Variants in LSAMP observed in about 807,000 individuals in gnomAD.
LSAMP encodes the protein limbic system associated membrane protein.
In LSAMP, 7 loss-of-function variants were observed where a neutral mutation model predicts 38.6. The ratio of observed to expected loss-of-function variants is 0.18; its 90% confidence interval spans 0.10 to 0.34. The LOEUF is 0.34. LSAMP is among the 10% of genes least tolerant of loss of function. LSAMP has a pLI of 1.00. For synonymous variants in LSAMP, 154 were observed against 166.8 expected (o/e 0.92, Z 0.59); for missense variants, 313 against 420.0 (o/e 0.75, Z 2.23).
chr3:116,373,588 T>C (rs2040885197), intron 1 of LSAMP, among the ~76,000 whole-genome samples: 1 of 151,832 alleles, frequency 6.6e-6, no homozygotes, highest in South Asian at 2.1e-4. Flanking sequence ...TTTTGTTATA[T>C]GCATATTATC....
intron 1 of LSAMP, among the ~76,000 whole-genome samples, chr3:116,146,557 T>C (rs1468944342): frequency 8.5e-5 from 13 of 152,064 alleles, no homozygotes; most frequent in African/African-American, 2.9e-4. Flanking sequence ...AAAAAAAATC[T>C]ACTTTTGCTA....
intron 1 of LSAMP, among the ~76,000 whole-genome samples, chr3:116,279,166 A>G (rs890881112): frequency 2.0e-5 from 3 of 152,202 alleles, no homozygotes; most frequent in Non-Finnish European, 4.4e-5. Flanking sequence ...CCTGGGAAAG[A>G]GAGGGACAGA....
intron 1 of LSAMP, among the ~76,000 whole-genome samples, chr3:116,404,615 T>A (rs373187617): frequency 2.2e-4 from 34 of 152,150 alleles, no homozygotes; most frequent in African/African-American, 8.0e-4. Flanking sequence ...ATTACAATGA[T>A]AATGATGACA....
chr3:115,949,549 C>T (rs1285013264), intron 3 of LSAMP, among the ~76,000 whole-genome samples: 5 of 151,666 alleles, frequency 3.3e-5, no homozygotes, highest in Admixed American at 3.3e-4. Context: ...AAACTCTGAA[C>T]AGACAAATAA....
intron 1 of LSAMP, among the ~76,000 whole-genome samples, chr3:116,108,178 C>G (rs537992356): frequency 3.0e-4 from 46 of 152,004 alleles, no homozygotes; most frequent in African/African-American, 1.0e-3. Flanking sequence ...TGGGGGAATA[C>G]AAGAGGAGGA....
At chr3:115,819,939 T>C (rs1265475214) in intron 6 of LSAMP, among the ~76,000 whole-genome samples, 1 of 152,088 alleles carries the variant, frequency 6.6e-6, no homozygotes, top group Non-Finnish European at 1.5e-5. Context: ...TGCCATCTTG[T>C]GGTAATACTA....
intron 1 of LSAMP, among the ~76,000 whole-genome samples, chr3:116,331,308 G>C (rs2047849525): frequency 6.6e-6 from 1 of 152,122 alleles, no homozygotes; most frequent in East Asian, 1.9e-4. Context: ...TCCAGATAGG[G>C]AAGAGAAAGG....
At chr3:115,866,677 A>C (rs1225777130) in intron 3 of LSAMP, among the ~76,000 whole-genome samples, 1 of 151,898 alleles carries the variant, frequency 6.6e-6, no homozygotes, top group African/African-American at 2.4e-5. Flanking sequence ...CTTACCCCAC[A>C]CTCAAGTCTT....
intron 1 of LSAMP, among the ~76,000 whole-genome samples, chr3:116,351,343 T>C (rs1034040707): frequency 6.6e-6 from 1 of 151,962 alleles, no homozygotes; most frequent in African/African-American, 2.4e-5. Context: ...GCTAGACATG[T>C]GAAGGGAGAA....
At chr3:116,436,879 C>T (rs900281094) in intron 1 of LSAMP, among the ~76,000 whole-genome samples, 8 of 152,076 alleles carry the variant, frequency 5.3e-5, no homozygotes, top group East Asian at 1.9e-4. Context: ...TACTTGCACA[C>T]GCATGTTTCA....
At chr3:116,310,982 C>T (rs574742607) in intron 1 of LSAMP, among the ~76,000 whole-genome samples, 1 of 149,744 alleles carries the variant, frequency 6.7e-6, no homozygotes, top group South Asian at 2.1e-4. Flanking sequence ...GACTAGGTTA[C>T]CTGAAAGATC....
chr3:115,853,053 C>T (rs748900911), intron 3 of LSAMP, among the ~76,000 whole-genome samples: 2 of 152,220 alleles, frequency 1.3e-5, no homozygotes, highest in East Asian at 1.9e-4. Flanking sequence ...TGGGAGCTGG[C>T]GGGAGGTACA....
chr3:115,808,169 C>T lies in LSAMP; in HGVS notation c.*2148G>A, dbSNP rs1164700752. 1.0e-4 allele frequency: 11 copies of T among 109,152 alleles called. No homozygotes were observed. Among genetic ancestry groups the T allele is most frequent in the Non-Finnish European group, 5.6e-5 (3 of 53,626 alleles). 6.8% of individuals were successfully genotyped at this position (109,152 alleles called of 1,614,324 possible). The stretch of plus-strand genomic sequence containing the variant: ...CCCTCCCCCCCTTCCCCGTCCCCCC[C>T]TCCCTGCCTTCCTTCCTTCCTTCCT... On this transcript the variant is annotated 3_prime_UTR_variant, in exon 7 of 7. Transcript: ENST00000490035.
At chr3:116,279,715 A>C (rs2047102291) in intron 1 of LSAMP, among the ~76,000 whole-genome samples, 1 of 152,186 alleles carries the variant, frequency 6.6e-6, no homozygotes, top group Non-Finnish European at 1.5e-5. Context: ...CTGAGTATAT[A>C]TTATCTGTAT....
At chr3:116,041,466 GATTT>G (rs1191288811) in intron 2 of LSAMP, among the ~76,000 whole-genome samples, 1 of 151,764 alleles carries the variant, frequency 6.6e-6, no homozygotes, top group Non-Finnish European at 1.5e-5. Flanking sequence ...AGACAAATAT[GATTT>G]ATATTCAAAA....
intron 2 of LSAMP, among the ~76,000 whole-genome samples, chr3:116,060,186 T>G (rs1209574819): frequency 1.4e-5 from 2 of 140,794 alleles, no homozygotes; most frequent in East Asian, 2.0e-4. Flanking sequence ...CCTAAGTCTT[T>G]AAAGCAACAT....
chr3:116,267,098 G>C (rs1359206969), intron 1 of LSAMP, among the ~76,000 whole-genome samples: 1 of 152,102 alleles, frequency 6.6e-6, no homozygotes, highest in Non-Finnish European at 1.5e-5. Flanking sequence ...TCGTGAAACA[G>C]AGCAGGAAAA....
intron 1 of LSAMP, among the ~76,000 whole-genome samples, chr3:116,228,275 T>C (rs1469612337): frequency 6.6e-6 from 1 of 152,070 alleles, no homozygotes; most frequent in Non-Finnish European, 1.5e-5. Context: ...CATATATTAA[T>C]TGTTCTTAAA....
At chr3:116,437,054 T>C (rs568780011) in intron 1 of LSAMP, among the ~76,000 whole-genome samples, 29 of 150,208 alleles carry the variant, frequency 1.9e-4, no homozygotes, top group Admixed American at 3.3e-4. Context: ...TATATATATA[T>C]ACACACACAC....
Sources: gnomAD v4.1 joint callset for allele counts (sites outside exome capture counted in the v4.1 genomes callset) on GRCh38, gnomAD v4.1.1 for gene constraint, MANE v1.5 for transcripts, NCBI Gene and HGNC (gene_info 2026-07-23, HGNC 2026-07-21) for gene names.